The following LMBRD2 variants were observed in gnomAD, a reference collection of about 807,000 sequenced individuals.
LMBRD2 encodes the protein G protein-coupled receptor-associated protein LMBRD2.
LMBRD2 carries 55 observed loss-of-function variants against 94.4 expected under a neutral mutation model. The ratio of observed to expected loss-of-function variants is 0.58; its 90% CI spans 0.47 to 0.73. The LOEUF (loss-of-function observed/expected upper bound fraction) is 0.73. LMBRD2 is among the 30% of genes least tolerant of loss of function. The pLI is 0.00. For missense variants in LMBRD2, 640 were observed against 831.9 expected, an observed-to-expected ratio of 0.77 and a Z score of 2.84; for synonymous variants, 246 against 272.4, an observed-to-expected ratio of 0.90 and a Z score of 0.95.
intron 13 of LMBRD2, 51 bp from the exon 14 acceptor site, chr5:36,111,309 T>C (rs532081338): frequency 3.0e-5 from 35 of 1,180,906 alleles, no homozygotes; most frequent in Non-Finnish European, 4.1e-5. Context: ...ACATTGTAAA[T>C]ATTTAGATGA....
chr5:36,123,025 A>G (rs1743925782), intron 7 of LMBRD2, 64 bp from the exon 8 acceptor site: 5 of 1,361,142 alleles, frequency 3.7e-6, no homozygotes, highest in Non-Finnish European at 3.8e-6. Flanking sequence ...ATTTATTTTT[A>G]TTAAAAATCT....
intron 1 of LMBRD2, among the ~76,000 whole-genome samples, chr5:36,150,169 T>C (rs533413062): frequency 2.6e-4 from 40 of 152,332 alleles, no homozygotes; most frequent in African/African-American, 8.2e-4. Context: ...CGGGGCAAAC[T>C]ATCAAACTGA....
chr5:36,149,624 C>T (rs1296810586), intron 1 of LMBRD2, among the ~76,000 whole-genome samples: 2 of 152,136 alleles, frequency 1.3e-5, no homozygotes, highest in African/African-American at 2.4e-5. Context: ...ATGTAAGAAT[C>T]GGCTGGGCAC....
intron 9 of LMBRD2, among the ~76,000 whole-genome samples, chr5:36,119,737 T>C (rs1433181275): frequency 1.3e-5 from 2 of 152,184 alleles, no homozygotes; most frequent in Admixed American, 6.5e-5. Flanking sequence ...GCAACTATTT[T>C]GCACCTTCTC....
Position 36,102,751 on chromosome 5 carries a change from A to G in LMBRD2, c.*1295T>C, listed in dbSNP as rs1443323302. ...AGGGGAACCATATAATTCATCTTCA[A>G]ACTGGGTGGGATACTTGAGGGTGAA... On this transcript the variant is annotated 3_prime_UTR_variant, in exon 18 of 18. Coordinates refer to ENST00000296603, the MANE Select transcript of LMBRD2 (RefSeq NM_001007527.2). 6.6e-6 allele frequency: 1 copy of G among 151,780 alleles called. No individual in the cohort carries two copies. The highest frequency in any genetic ancestry group is 1.5e-5 in the Non-Finnish European group (1 of 67,772). 9.4% of individuals were successfully genotyped at this position (151,780 alleles called of 1,614,324 possible).
At chr5:36,144,164 T>C (rs1048915860) in intron 1 of LMBRD2, among the ~76,000 whole-genome samples, 31 of 152,336 alleles carry the variant, frequency 2.0e-4, no homozygotes, top group African/African-American at 7.2e-4. Flanking sequence ...ATAGTTTACT[T>C]GATATCTCTC....
chr5:36,101,181 T>C lies in LMBRD2; in HGVS notation c.*2865A>G, dbSNP rs1743339156. 1 of 152,008 alleles carries C rather than the reference T, an allele frequency of 6.6e-6. No homozygotes were observed. The allele number at this position is 152,008 out of a possible 1,614,324, so 9.4% of individuals were successfully genotyped here. On this transcript the variant is annotated 3_prime_UTR_variant, in exon 18 of 18. Transcript: ENST00000296603. ...TGTATTCATTTGGTAAGAGAGCAAA[T>C]TTTAATAATTAAACTTATTCTTTCT...
intron 9 of LMBRD2, among the ~76,000 whole-genome samples, chr5:36,118,944 C>T (rs1226447716): frequency 3.9e-5 from 6 of 152,118 alleles, no homozygotes; most frequent in African/African-American, 1.2e-4. Flanking sequence ...CCACCCACCT[C>T]GGCCTCACAA....
At chr5:36,115,846 T>G (rs1228211428) in intron 11 of LMBRD2, among the ~76,000 whole-genome samples, 1 of 152,148 alleles carries the variant, frequency 6.6e-6, no homozygotes, top group Non-Finnish European at 1.5e-5. Context: ...AGCGTGAAGG[T>G]TACATAGGAC....
intron 1 of LMBRD2, among the ~76,000 whole-genome samples, chr5:36,145,736 T>C (rs1382117785): frequency 6.6e-6 from 1 of 151,816 alleles, no homozygotes; most frequent in Non-Finnish European, 1.5e-5. Context: ...ATGACAATCA[T>C]ACAAAAAAAA....
chr5:36,115,260 C>A (rs968182394), intron 11 of LMBRD2, 140 bp from the exon 12 acceptor site: 1 of 518,926 alleles, frequency 1.9e-6, no homozygotes, highest in African/African-American at 2.0e-5. Flanking sequence ...ATATTGAATT[C>A]TTAATGTGAC....
At position 36,128,452 on chromosome 5, in the gene LMBRD2, T is replaced by C. The variant is rs1037584221; in HGVS notation, c.748-4187A>G. Among the ~76,000 whole-genome samples the C allele has an allele frequency of 7.9e-5, 12 of 151,742 alleles. No homozygotes were observed. In the East Asian group the frequency reaches 1.4e-3, roughly 17 times the overall value. On this transcript the variant is annotated intron_variant, in intron 6 of 17. Transcript: ENST00000296603. Reference sequence around the variant, plus strand: ...AATAAGGCACCAGGGCCAAGTACAGTGGCTCACTCCTGTAATCCCAGCACT... The same window carrying C: ...AATAAGGCACCAGGGCCAAGTACAGCGGCTCACTCCTGTAATCCCAGCACT...
At position 36,098,614 on chromosome 5, in the gene LMBRD2, C is replaced by CGTT. The variant is rs1451818136; in HGVS notation, c.*5431_*5432insAAC. 2.0e-5 allele frequency: 3 copies of CGTT among 151,984 alleles called. No individual in the cohort carries two copies. Among genetic ancestry groups the CGTT allele is most frequent in the Non-Finnish European group, 4.4e-5 (3 of 67,928 alleles). The allele number at this position is 151,984 out of a possible 1,614,324, so 9.4% of individuals were successfully genotyped here. ...AGCTACATTCTTTCCTATATTTTAA[C>CGTT]AGCTAATCAAATAAACATTTCAAAA... On this transcript the variant is annotated 3_prime_UTR_variant, in exon 18 of 18. Transcript: ENST00000296603.
At position 36,116,611 on chromosome 5, in the gene LMBRD2, C is replaced by G. The variant is rs376592386; in HGVS notation, c.1303-18G>C. On this transcript the variant is annotated intron_variant, in intron 10 of 17. Coordinates refer to ENST00000296603, the MANE Select transcript of LMBRD2 (RefSeq NM_001007527.2). ...CAGGCAATCTGGAAAAAAACAAAAA[C>G]AAAGCAGTTTGTTTAAAACAAACAG... 1.9e-6 allele frequency: 3 copies of G among 1,608,062 alleles called. No homozygotes were observed. Among genetic ancestry groups the G allele is most frequent in the Non-Finnish European group, 2.5e-6 (3 of 1,178,042 alleles).
chr5:36,123,190 A>G (rs1301746319), intron 7 of LMBRD2, among the ~76,000 whole-genome samples: 1 of 152,142 alleles, frequency 6.6e-6, no homozygotes, highest in East Asian at 1.9e-4. Flanking sequence ...GTGTTCATAT[A>G]TACCAGATAG....
intron 15 of LMBRD2, among the ~76,000 whole-genome samples, chr5:36,109,469 T>A (rs560363781): frequency 1.3e-5 from 2 of 152,230 alleles, no homozygotes; most frequent in African/African-American, 4.8e-5. Context: ...GTTAAAAAAA[T>A]GTGTGGTAAT....
chr5:36,109,065 C>T (rs1317661900), intron 15 of LMBRD2, among the ~76,000 whole-genome samples: 1 of 152,094 alleles, frequency 6.6e-6, no homozygotes, highest in East Asian at 1.9e-4. Flanking sequence ...TAGCCTATGA[C>T]TCACACGGCA....
At chr5:36,120,332 G>T (rs770618858) in intron 9 of LMBRD2, among the ~76,000 whole-genome samples, 2 of 151,286 alleles carry the variant, frequency 1.3e-5, no homozygotes, top group Admixed American at 1.3e-4. Flanking sequence ...GCACAATCTC[G>T]GCTCACTGCA....
In LMBRD2 at chr5:36,117,920, G is replaced by A; in HGVS notation, c.1121-4C>T. On this transcript the variant is annotated splice_polypyrimidine_tract_variant and splice_region_variant and intron_variant, in intron 9 of 17. Transcript: ENST00000296603. ...AAAAGACATTCCCAGTACCATTCTA[G>A]AAGACAAAAGAAAAAAATGATTAGG... is the stretch of plus-strand genomic sequence containing the variant. 6.3e-7 allele frequency: 1 copy of A among 1,579,722 alleles called. No homozygotes were observed. The highest frequency in any genetic ancestry group is 8.6e-7 in the Non-Finnish European group (1 of 1,167,148).
Sources: gnomAD v4.1 joint callset for allele counts (sites outside exome capture counted in the v4.1 genomes callset) on GRCh38, gnomAD v4.1.1 for gene constraint, MANE v1.5 for transcripts, NCBI Gene and HGNC (gene_info 2026-07-23, HGNC 2026-07-21) for gene names.